IPO8: variants seen among roughly 807,000 people sequenced by gnomAD.
IPO8 encodes importin-8.
A neutral mutation model predicts 141.2 loss-of-function variants in IPO8; 65 were observed. The observed-to-expected ratio is 0.46, with a 90% CI of 0.38 to 0.57. IPO8 has a LOEUF of 0.57. IPO8 is among the 20% of genes least tolerant of loss of function. The pLI is 0.00. For synonymous variants in IPO8, 411 were observed against 420.3 expected, an observed-to-expected ratio of 0.98 and a Z score of 0.27; for missense variants, 980 against 1,246.8, an observed-to-expected ratio of 0.79 and a Z score of 3.22.
At chr12:30,657,006 T>C (rs1181449646) in intron 16 of IPO8, among the ~76,000 whole-genome samples, 14 of 151,706 alleles carry the variant, frequency 9.2e-5, no homozygotes, top group Admixed American at 9.2e-4. Flanking sequence ...TCCTAATAGA[T>C]AAAAGATTTC....
Position 30,662,329 on chromosome 12 carries a change from A to G in IPO8, c.1753T>C (p.Leu585=). Residue 585 remains leucine, a splice_region_variant and synonymous_variant, in exon 15 of 25, where the codon TTG becomes CTG. Coordinates refer to ENST00000256079, the MANE Select transcript of IPO8 (RefSeq NM_006390.4). ...ASIAVDMTQH[L]AEIFGKVLQS... ...AACATAAAACTGCCCGGTCTTACCAAGTGTTGGGTCATATCAACAGCAATT... is the reference window on the plus strand; with the variant it reads ...AACATAAAACTGCCCGGTCTTACCAGGTGTTGGGTCATATCAACAGCAATT... The G allele has an allele frequency of 6.2e-7, 1 of 1,609,040 alleles. No homozygotes were observed. Among genetic ancestry groups the G allele is most frequent in the Non-Finnish European group, 8.5e-7 (1 of 1,177,386 alleles).
chr12:30,695,465 G>T lies in IPO8; in HGVS notation c.84+99C>A. On this transcript the variant is annotated intron_variant, in intron 1 of 24. Coordinates refer to ENST00000256079, the MANE Select transcript of IPO8 (RefSeq NM_006390.4). This position sits in a 1 kb window ranked among gnomAD's most constrained non-coding sequence, Gnocchi z 4.2. ...AGCCGTGAGGCGTCAGCCCCAGCCCGGTGGGGGTGAGGACGAGGGGCGCCG... is the reference window on the plus strand; with the variant it reads ...AGCCGTGAGGCGTCAGCCCCAGCCCTGTGGGGGTGAGGACGAGGGGCGCCG... 9.5e-7 allele frequency: 1 copy of T among 1,051,954 alleles called. No homozygotes were observed. Among genetic ancestry groups the T allele is most frequent in the Non-Finnish European group, 1.4e-6 (1 of 693,598 alleles). 65.2% of individuals were successfully genotyped at this position (1,051,954 alleles called of 1,614,324 possible).
chr12:30,645,734 G>A (rs2052636406), intron 20 of IPO8, among the ~76,000 whole-genome samples: 1 of 152,014 alleles, frequency 6.6e-6, no homozygotes, highest in Admixed American at 6.6e-5. Flanking sequence ...TGAACCACAT[G>A]CAATGAATTA....
In IPO8 at chr12:30,667,012, T is replaced by A. The variant is rs115969723; in HGVS notation, c.1145-761A>T. Among the ~76,000 whole-genome samples, 182 of 152,322 alleles carry A rather than the reference T, an allele frequency of 1.2e-3. 2 individuals are homozygous for A. The highest frequency in any genetic ancestry group is 4.2e-3 in the African/African-American group (175 of 41,574). ...ATGAACATTTTCACAAGTTTCAGAA[T>A]AGGCAGTTTTACATAAGAAACTGAA... On this transcript the variant is annotated intron_variant, in intron 10 of 24. Transcript: ENST00000256079.
rs750797094 is a variant in IPO8 at position 30,665,255 on chromosome 12, A to G, written c.1393T>C (p.Leu465=). 1.3e-6 allele frequency: 2 copies of G among 1,598,958 alleles called. No individual in the cohort carries two copies. Among genetic ancestry groups the G allele is most frequent in the Non-Finnish European group, 1.7e-6 (2 of 1,168,908 alleles). ...ELFLQNHVFP[L]LLSNLGYLRA... is the part of the protein sequence containing the mutation. ...AGATATCCCAGGTTAGACAATAATA[A>G]TGGAAATACATGATTTTGTAGAAAC... is the stretch of plus-strand genomic sequence containing the variant. Residue 465 remains leucine, a synonymous_variant, in exon 13 of 25, where the codon TTA becomes CTA. Transcript: ENST00000256079.
chr12:30,652,508 G>C (rs1472673410), intron 18 of IPO8, among the ~76,000 whole-genome samples: 1 of 151,990 alleles, frequency 6.6e-6, no homozygotes, highest in Non-Finnish European at 1.5e-5. Context: ...TAATTGTGCT[G>C]AATTTTTTCC....
In IPO8 at chr12:30,680,316, CT is replaced by C. The variant is rs3217461; in HGVS notation, c.639+165del. ...GGGGCAGATATGCCATTGAGACGATCTTGGGTAATTAATTTCTGTGAACCTG... is the reference window on the plus strand; with the variant it reads ...GGGGCAGATATGCCATTGAGACGATCTGGGTAATTAATTTCTGTGAACCTG... On this transcript the variant is annotated intron_variant, in intron 5 of 24. Transcript: ENST00000256079. The C allele has an allele frequency of 1.3e-3, 724 of 539,534 alleles. 15 individuals are homozygous for C. In the East Asian group the frequency reaches 0.023, roughly 17 times the overall value. The allele number at this position is 539,534 out of a possible 1,614,324, so 33.4% of individuals were successfully genotyped here.
chr12:30,660,332 G>A (rs928686780), intron 16 of IPO8, among the ~76,000 whole-genome samples: 2 of 152,194 alleles, frequency 1.3e-5, no homozygotes, highest in Non-Finnish European at 2.9e-5. Context: ...ACTCACAGAA[G>A]CAATGAACAA....
rs117617958 is a variant in IPO8, at chr12:30,667,000, C to T, written c.1145-749G>A. 1.3e-3 allele frequency among the ~76,000 whole-genome samples: 200 copies of T among 152,258 alleles called. 5 individuals are homozygous for T. The East Asian group carries it at 0.037, about 28-fold the overall frequency. On this transcript the variant is annotated intron_variant, in intron 10 of 24. Transcript: ENST00000256079. ...TCACTTAATACCATGAACATTTTCA[C>T]AAGTTTCAGAATAGGCAGTTTTACA...
At chr12:30,666,670 C>T (rs2052970346) in intron 10 of IPO8, among the ~76,000 whole-genome samples, 1 of 152,170 alleles carries the variant, frequency 6.6e-6, no homozygotes, top group African/African-American at 2.4e-5. Flanking sequence ...ACACATTATA[C>T]ATATATACAC....
Position 30,670,989 on chromosome 12 carries a change from G to A in IPO8, c.1017C>T (p.Thr339=). 6.2e-7 allele frequency: 1 copy of A among 1,613,800 alleles called. No homozygotes were observed. Among genetic ancestry groups the A allele is most frequent in the Admixed American group, 1.7e-5 (1 of 60,026 alleles). Reference sequence around the variant, plus strand: ...GTATGTGTGGCTTCATCTGCTTCCAGGTTATAGAATGAACCACCCCTTGGT... The same window carrying A: ...GTATGTGTGGCTTCATCTGCTTCCAAGTTATAGAATGAACCACCCCTTGGT... ...YLNQGVVHSI[T]WKQMKPHIQN... The change falls in exon 9 of 25, where the codon ACC becomes ACT. Residue 339 remains threonine, a synonymous_variant. Transcript: ENST00000256079.
chr12:30,669,283 CT>C lies in IPO8; in HGVS notation c.1045-2del. The C allele has an allele frequency of 1.4e-6, 2 of 1,401,534 alleles. No individual in the cohort carries two copies. Among genetic ancestry groups the C allele is most frequent in the Admixed American group, 2.0e-5 (1 of 50,752 alleles). The allele number at this position is 1,401,534 out of a possible 1,614,324, so 86.8% of individuals were successfully genotyped here. On this transcript the variant is annotated splice_acceptor_variant, in intron 9 of 24. Coordinates refer to ENST00000256079, the MANE Select transcript of IPO8 (RefSeq NM_006390.4). LOFTEE classifies it high-confidence loss of function. ...AAAAAATCACATCTTCAGAGATATT[CT>C]AAAATGAGAAAAAAAAAAAAACGTA...
chr12:30,635,289 C>G (rs2052486495), intron 22 of IPO8, among the ~76,000 whole-genome samples: 1 of 152,002 alleles, frequency 6.6e-6, no homozygotes, highest in African/African-American at 2.4e-5. Flanking sequence ...AGTATATGTA[C>G]ATTTCAAAAT....
At chr12:30,659,026 G>A (rs184697314) in intron 16 of IPO8, among the ~76,000 whole-genome samples, 4 of 151,706 alleles carry the variant, frequency 2.6e-5, no homozygotes, top group Non-Finnish European at 4.4e-5. Flanking sequence ...GACTACAGGC[G>A]CCCGCCACCA....
Position 30,639,624 on chromosome 12 carries a change from G to C in IPO8, c.2380C>G (p.Pro794Ala), listed in dbSNP as rs2052549987. The C allele has an allele frequency of 1.9e-6, 3 of 1,613,970 alleles. No homozygotes were observed. The highest frequency in any genetic ancestry group is 2.5e-6 in the Non-Finnish European group (3 of 1,179,892). The change falls in exon 21 of 25, where the codon CCT becomes GCT. Residue 794 changes from proline to alanine, a missense_variant. Transcript: ENST00000256079. ...QVAIAALYYN[P>A]DLLLHTLERI... ...TCTAAAGTATGTAGCAGCAAATCAGGGTTGTAGTACAAGGCAGCAATTGCA... is the reference window on the plus strand; with the variant it reads ...TCTAAAGTATGTAGCAGCAAATCAGCGTTGTAGTACAAGGCAGCAATTGCA...
At chr12:30,676,969 T>C in intron 5 of IPO8, 1 of 1,530,528 alleles carries the variant, frequency 6.5e-7, no homozygotes, top group East Asian at 2.5e-5. Context: ...TCATGAAACA[T>C]TTTTTTAAAT....
rs2053335440 is a variant in IPO8, at chr12:30,695,833, T to C, written c.-186A>G. On this transcript the variant is annotated 5_prime_UTR_variant, in exon 1 of 25. Transcript: ENST00000256079. This position sits in a 1 kb window ranked among gnomAD's most constrained non-coding sequence, Gnocchi z 4.2. ...ACTCCGCGCCCCCTGTCCTCCCTTT[T>C]TCCCCCCCACAACTCGCTCTCCATT... 3 of 514,388 alleles carry C rather than the reference T, an allele frequency of 5.8e-6. No individual in the cohort carries two copies. The highest frequency in any genetic ancestry group is 4.0e-5 in the African/African-American group (2 of 49,460). 31.9% of individuals were successfully genotyped at this position (514,388 alleles called of 1,614,324 possible). A position where few individuals can be genotyped will look rare whatever the true frequency, so the allele number is the denominator to read the frequency against.
intron 23 of IPO8, among the ~76,000 whole-genome samples, chr12:30,633,292 A>T (rs1412992386): frequency 6.6e-6 from 1 of 152,250 alleles, no homozygotes; most frequent in African/African-American, 2.4e-5. Context: ...AACCCTCATA[A>T]TGGTAAAAAC....
intron 14 of IPO8, 193 bp from the exon 15 acceptor site, chr12:30,662,680 T>C (rs2052905797): frequency 3.3e-6 from 2 of 608,428 alleles, no homozygotes; most frequent in Non-Finnish European, 5.9e-6. Flanking sequence ...AAGAGTAATA[T>C]AAGGATAAGA....
Sources: allele counts gnomAD v4.1 joint callset (sites outside exome capture counted in the v4.1 genomes callset), GRCh38; gene constraint gnomAD v4.1.1; non-coding constraint Gnocchi (gnomAD v3.1); transcripts MANE v1.5; gene names NCBI Gene and HGNC (gene_info 2026-07-23, HGNC 2026-07-21).